The following COL25A1 variants were observed in gnomAD, a reference collection of about 807,000 sequenced individuals.
COL25A1 encodes the protein collagen alpha-1(XXV) chain.
COL25A1 carries 103 observed loss-of-function variants against 128.4 expected under a neutral mutation model. The observed-to-expected ratio is 0.80, with a 90% confidence interval of 0.68 to 0.94. The LOEUF (loss-of-function observed/expected upper bound fraction) is 0.94. Among genes scored for constraint, COL25A1 ranks in the 40% least tolerant of loss-of-function variants. COL25A1 has a pLI of 0.00. For synonymous variants in COL25A1, 279 were observed against 277.2 expected (o/e 1.01, Z -0.06); for missense variants, 745 against 840.0 (o/e 0.89, Z 1.40).
intron 3 of COL25A1, among the ~76,000 whole-genome samples, chr4:109,252,814 A>G (rs760429156): frequency 2.6e-5 from 4 of 152,218 alleles, no homozygotes; most frequent in Admixed American, 1.3e-4. Flanking sequence ...CTTCAGGGGT[A>G]TCCCAGAAAA....
chr4:108,953,990 A>G (rs1749760285), intron 8 of COL25A1, among the ~76,000 whole-genome samples: 1 of 152,186 alleles, frequency 6.6e-6, no homozygotes, highest in South Asian at 2.1e-4. Flanking sequence ...TGTAATTCAG[A>G]ACACTGATTC....
chr4:108,869,171 G>C (rs757493638), intron 19 of COL25A1, 21 bp from the exon 20 acceptor site: 2 of 1,240,448 alleles, frequency 1.6e-6, no homozygotes, highest in East Asian at 5.1e-5. Flanking sequence ...ATGGGCATAT[G>C]AGATCATTAA....
intron 3 of COL25A1, among the ~76,000 whole-genome samples, chr4:109,233,743 T>C (rs887594557): frequency 6.6e-6 from 1 of 152,148 alleles, no homozygotes. Flanking sequence ...ATATAGTGCA[T>C]GAAGCCCCAT....
At chr4:109,256,319 G>A (rs778382074) in intron 3 of COL25A1, among the ~76,000 whole-genome samples, 16 of 151,904 alleles carry the variant, frequency 1.1e-4, no homozygotes, top group South Asian at 2.1e-4. Flanking sequence ...GGGTGAACAC[G>A]TACAGTTGCA....
chr4:109,170,535 G>T (rs17289656), intron 3 of COL25A1, among the ~76,000 whole-genome samples: 8,539 of 152,172 alleles, frequency 0.056, 320 homozygotes, highest in Non-Finnish European at 0.086. Context: ...TGGCTCCTGG[G>T]TAGAAAAGAA....
At position 108,940,557 on chromosome 4, in the gene COL25A1, A is replaced by G. The variant is rs753970752; in HGVS notation, c.654T>C (p.Arg218=). 2.5e-6 allele frequency: 4 copies of G among 1,613,884 alleles called. No homozygotes were observed. Among genetic ancestry groups the G allele is most frequent in the East Asian group, 2.2e-5 (1 of 44,870 alleles). ...PPGDTGKDGP[R]GMPGVPGEPG... is the part of the protein sequence containing the mutation. ...GACTCACGGGTACTCCTGGCATTCCACGGGGGCCATCTTTCCCTGTGTCCC... is the reference window on the plus strand; with the variant it reads ...GACTCACGGGTACTCCTGGCATTCCGCGGGGGCCATCTTTCCCTGTGTCCC... The change falls in exon 10 of 38, where the codon CGT becomes CGC. Residue 218 remains arginine, a synonymous_variant. Coordinates refer to ENST00000399132, the MANE Select transcript of COL25A1 (RefSeq NM_198721.4).
intron 3 of COL25A1, among the ~76,000 whole-genome samples, chr4:109,078,877 T>C (rs1203078644): frequency 2.0e-5 from 3 of 152,200 alleles, no homozygotes; most frequent in Admixed American, 6.5e-5. Context: ...CTTCCAAAGA[T>C]GCATTTCTGA....
chr4:108,863,938 AC>A (rs1368533779), intron 20 of COL25A1, among the ~76,000 whole-genome samples: 2 of 152,056 alleles, frequency 1.3e-5, no homozygotes, highest in African/African-American at 4.8e-5. Flanking sequence ...AGGCCTTCAG[AC>A]TTGGACCGAG....
chr4:109,036,362 G>A (rs1026171242), intron 5 of COL25A1, among the ~76,000 whole-genome samples: 8 of 152,222 alleles, frequency 5.3e-5, no homozygotes, highest in South Asian at 4.1e-4. Flanking sequence ...TTTTCCACAC[G>A]ACTTTCAAAC....
intron 3 of COL25A1, among the ~76,000 whole-genome samples, chr4:109,258,594 A>G (rs895922609): frequency 1.3e-5 from 2 of 152,224 alleles, no homozygotes; most frequent in Admixed American, 6.5e-5. Context: ...TAATAAAATA[A>G]TGCAATCATA....
chr4:109,255,597 A>G (rs1431571942), intron 3 of COL25A1, among the ~76,000 whole-genome samples: 1 of 152,106 alleles, frequency 6.6e-6, no homozygotes, highest in Non-Finnish European at 1.5e-5. Context: ...CTGCTCATTC[A>G]TTCATTCTAA....
chr4:108,859,552 G>T, intron 24 of COL25A1, 104 bp downstream of exon 24: 1 of 818,318 alleles, frequency 1.2e-6, no homozygotes, highest in Non-Finnish European at 1.9e-6. Flanking sequence ...GAGCAGTGGA[G>T]TCCTCTGAGG....
intron 27 of COL25A1, among the ~76,000 whole-genome samples, chr4:108,847,025 C>T (rs1321602666): frequency 6.6e-6 from 1 of 151,466 alleles, no homozygotes; most frequent in Non-Finnish European, 1.5e-5. Flanking sequence ...CCTGCTTCAG[C>T]CTCCCAAGTA....
At chr4:109,075,372 G>A (rs1179238724) in intron 3 of COL25A1, among the ~76,000 whole-genome samples, 1 of 151,940 alleles carries the variant, frequency 6.6e-6, no homozygotes, top group Non-Finnish European at 1.5e-5. Flanking sequence ...AGAGCTAGAT[G>A]TATATACAAA....
chr4:109,069,112 A>C (rs759879252), intron 3 of COL25A1, among the ~76,000 whole-genome samples: 2 of 151,900 alleles, frequency 1.3e-5, no homozygotes, highest in Non-Finnish European at 2.9e-5. Context: ...TTTAATATTT[A>C]AATATTTTAA....
chr4:108,848,720 A>G (rs749436721), intron 27 of COL25A1, 39 bp downstream of exon 27: 2 of 1,392,450 alleles, frequency 1.4e-6, no homozygotes, highest in East Asian at 4.6e-5. Context: ...GTAATCAAGA[A>G]TGATGCTTTA....
chr4:108,952,127 T>C (rs114171013), intron 8 of COL25A1, among the ~76,000 whole-genome samples: 1 of 152,178 alleles, frequency 6.6e-6, no homozygotes, highest in Non-Finnish European at 1.5e-5. Context: ...TCTCAATATA[T>C]GGCAATCTGC....
intron 3 of COL25A1, among the ~76,000 whole-genome samples, chr4:109,286,138 T>G (rs898925278): frequency 6.6e-6 from 1 of 152,310 alleles, no homozygotes; most frequent in East Asian, 1.9e-4. Context: ...AAAAGAATGA[T>G]GCAAATCAAT....
chr4:109,204,520 C>A (rs2126186436), intron 3 of COL25A1, among the ~76,000 whole-genome samples: 1 of 152,164 alleles, frequency 6.6e-6, no homozygotes, highest in East Asian at 1.9e-4. Flanking sequence ...AAAACAAAAA[C>A]AACTACCACC....
Sources: gnomAD v4.1 joint callset for allele counts (sites outside exome capture counted in the v4.1 genomes callset) on GRCh38, gnomAD v4.1.1 for gene constraint, MANE v1.5 for transcripts, NCBI Gene and HGNC (gene_info 2026-07-23, HGNC 2026-07-21) for gene names.